The following NEBL variants were observed in gnomAD, a reference collection of about 807,000 sequenced individuals.
The protein encoded by NEBL is LIM and SH3 protein 2.
A neutral mutation model predicts 140.2 loss-of-function variants in NEBL; 122 were observed. The ratio of observed to expected loss-of-function variants is 0.87; its 90% confidence interval spans 0.75 to 1.01. The LOEUF is 1.01. Ranked by LOEUF, NEBL falls within the 50% of genes least tolerant of loss-of-function variation. The pLI is 0.00. For missense variants in NEBL, 1,365 were observed against 1,231.3 expected (o/e 1.11, Z -1.62); for synonymous variants, 436 against 398.9 (o/e 1.09, Z -1.11).
chr10:21,187,810 G>A (rs978147728), intron 3 of NEBL, among the ~76,000 whole-genome samples: 2 of 152,134 alleles, frequency 1.3e-5, no homozygotes, highest in Non-Finnish European at 2.9e-5. Flanking sequence ...CACAGCACCT[G>A]GCCACACCTT....
intron 2 of NEBL, among the ~76,000 whole-genome samples, chr10:21,042,267 G>A (rs558942452): frequency 3.9e-5 from 6 of 152,268 alleles, no homozygotes; most frequent in South Asian, 4.1e-4. Flanking sequence ...ACTGAGGAAC[G>A]TACGTCTTGG....
intron 7 of NEBL, among the ~76,000 whole-genome samples, chr10:20,860,251 G>GTACCACAGTT (rs1353552765): frequency 6.6e-6 from 1 of 151,978 alleles, no homozygotes; most frequent in Non-Finnish European, 1.5e-5. Context: ...AGCATGACGT[G>GTACCACAGTT]TACCACAGTT....
chr10:21,208,389 A>C (rs1486146287), intron 3 of NEBL, among the ~76,000 whole-genome samples: 1 of 152,194 alleles, frequency 6.6e-6, no homozygotes, highest in East Asian at 1.9e-4. Context: ...GGTTCTAGCA[A>C]TTCTGAGGCA....
intron 3 of NEBL, among the ~76,000 whole-genome samples, chr10:21,196,401 A>G (rs575606369): frequency 6.8e-6 from 1 of 147,032 alleles, no homozygotes; most frequent in Non-Finnish European, 1.5e-5. Flanking sequence ...GTGGAGTACA[A>G]TGGCACAATC....
intron 3 of NEBL, among the ~76,000 whole-genome samples, chr10:21,001,630 C>G (rs975382233): frequency 6.9e-6 from 1 of 144,858 alleles, no homozygotes; most frequent in African/African-American, 2.5e-5. Context: ...ATACTCACAA[C>G]TTTTTTTTTT....
chr10:21,204,855 G>C (rs902845876), intron 3 of NEBL, among the ~76,000 whole-genome samples: 1 of 152,318 alleles, frequency 6.6e-6, no homozygotes, highest in African/African-American at 2.4e-5. Context: ...GACAGAGCCT[G>C]CTGCACTCCC....
At chr10:20,803,812 A>AATATATAT (rs773980585) in intron 26 of NEBL, among the ~76,000 whole-genome samples, 1,437 of 143,526 alleles carry the variant, frequency 0.01, 11 homozygotes, top group Admixed American at 0.016. Context: ...CTGTACGAAA[A>AATATATAT]ATATATATAT....
At chr10:21,264,396 C>G (rs1045992269) in intron 1 of NEBL, among the ~76,000 whole-genome samples, 2 of 152,140 alleles carry the variant, frequency 1.3e-5, no homozygotes, top group Non-Finnish European at 2.9e-5. Context: ...GCCTTTGCCT[C>G]AGGAATGAAC....
At position 21,132,060 on chromosome 10, in the gene NEBL, A is replaced by G. The variant is rs1483151206; in HGVS notation, c.164+40323T>C. 2.6e-5 allele frequency among the ~76,000 whole-genome samples: 4 copies of G among 152,264 alleles called. No individual in the cohort carries two copies. In the East Asian group the frequency reaches 7.7e-4, roughly 29 times the overall value. On this transcript the variant is annotated intron_variant, in intron 2 of 6. Transcript: ENST00000417816. ...TTTAGTATATTCTCAAAGTTATGCA[A>G]TAATAACCATTATATAAATCTAGAG... is the stretch of plus-strand genomic sequence containing the variant.
intron 4 of NEBL, among the ~76,000 whole-genome samples, chr10:20,922,424 GTGTCAC>G (rs1037220262): frequency 6.6e-5 from 10 of 152,178 alleles, no homozygotes; most frequent in Non-Finnish European, 5.9e-5. Context: ...AATTCATAGA[GTGTCAC>G]TTTACATCCC....
intron 2 of NEBL, among the ~76,000 whole-genome samples, chr10:21,116,930 C>T (rs1838310100): frequency 6.6e-6 from 1 of 152,002 alleles, no homozygotes; most frequent in Admixed American, 6.6e-5. Flanking sequence ...CCTCAGCCTC[C>T]CAAAATGCTA....
In NEBL at chr10:21,291,462, C is replaced by T. The variant is rs186820268; in HGVS notation, n.182+1368G>A. Among the ~76,000 whole-genome samples, 50 of 150,492 alleles carry T rather than the reference C, an allele frequency of 3.3e-4. No homozygotes were observed. In the South Asian group the frequency reaches 6.7e-3, roughly 20 times the overall value. On this transcript the variant is annotated intron_variant and non_coding_transcript_variant, in intron 1 of 8. Transcript: ENST00000675702. Reference sequence around the variant, plus strand: ...CAGGAGTTGCAGTGAGCCCATATCACACCACTGCACTCCAGCCTGGGTGAC... The same window carrying T: ...CAGGAGTTGCAGTGAGCCCATATCATACCACTGCACTCCAGCCTGGGTGAC...
chr10:20,990,260 C>T (rs1837408073), intron 3 of NEBL, among the ~76,000 whole-genome samples: 1 of 152,138 alleles, frequency 6.6e-6, no homozygotes, highest in Admixed American at 6.5e-5. Context: ...AAGCTTAAAA[C>T]CCCTGCTTTG....
chr10:20,852,237 A>G (rs1223613383), intron 10 of NEBL, among the ~76,000 whole-genome samples: 1 of 152,208 alleles, frequency 6.6e-6, no homozygotes. Context: ...GACACTAGAA[A>G]AATTTAAATC....
chr10:20,976,949 G>T (rs1393329511), intron 3 of NEBL, among the ~76,000 whole-genome samples: 2 of 149,910 alleles, frequency 1.3e-5, no homozygotes, highest in Non-Finnish European at 3.0e-5. Flanking sequence ...AGTGCTTCAG[G>T]TCCTTACCTG....
chr10:21,041,697 G>GCTACT (rs1364614466), intron 2 of NEBL, among the ~76,000 whole-genome samples: 6 of 151,982 alleles, frequency 3.9e-5, no homozygotes, highest in Non-Finnish European at 8.8e-5. Flanking sequence ...TAAAAAAATA[G>GCTACT]CTACTCCATA....
chr10:21,153,878 T>C (rs73609204), intron 2 of NEBL, among the ~76,000 whole-genome samples: 1 of 152,126 alleles, frequency 6.6e-6, no homozygotes, highest in Non-Finnish European at 1.5e-5. Context: ...ATCTTAAAAG[T>C]TAAGATGTAG....
intron 7 of NEBL, chr10:20,867,627 T>C (rs1374147000): frequency 6.6e-6 from 1 of 152,134 alleles, no homozygotes; most frequent in Non-Finnish European, 1.5e-5. Context: ...GTCTCCTGGA[T>C]TTTCTTTGAA....
chr10:20,932,270 G>A (rs1021155990), intron 4 of NEBL, among the ~76,000 whole-genome samples: 4 of 152,146 alleles, frequency 2.6e-5, no homozygotes, highest in African/African-American at 9.7e-5. Flanking sequence ...TCCTTTGCAG[G>A]GACATGGATG....
Sources: allele counts gnomAD v4.1 joint callset (sites outside exome capture counted in the v4.1 genomes callset), GRCh38; gene constraint gnomAD v4.1.1; transcripts MANE v1.5; gene names NCBI Gene and HGNC (gene_info 2026-07-23, HGNC 2026-07-21).